DSCAML1: variants seen among roughly 807,000 people sequenced by gnomAD.
DSCAML1 encodes the protein cell adhesion molecule DSCAML1.
DSCAML1 carries 38 observed loss-of-function variants against 200.5 expected under a neutral mutation model. The ratio of observed to expected loss-of-function variants is 0.19; its 90% CI spans 0.15 to 0.25. The LOEUF (loss-of-function observed/expected upper bound fraction) is 0.25, where lower values mean the gene tolerates loss of function less well. DSCAML1 is among the 10% of genes least tolerant of loss of function. DSCAML1 has a pLI of 1.00. For missense variants in DSCAML1, 2,223 were observed against 2,858.8 expected, an observed-to-expected ratio of 0.78 and a Z score of 5.07; for synonymous variants, 1,215 against 1,165.0, an observed-to-expected ratio of 1.04 and a Z score of -0.87.
chr11:117,603,071 G>A (rs914455401), intron 3 of DSCAML1, among the ~76,000 whole-genome samples: 18 of 152,148 alleles, frequency 1.2e-4, no homozygotes, highest in South Asian at 6.2e-4. Context: ...ACTTCAGCTC[G>A]AGGACAAAGT....
chr11:117,617,853 C>A (rs2051843485), intron 3 of DSCAML1, among the ~76,000 whole-genome samples: 1 of 152,146 alleles, frequency 6.6e-6, no homozygotes, highest in African/African-American at 2.4e-5. Flanking sequence ...CCCTCGCTAC[C>A]CCCTACCAGG....
At chr11:117,718,994 C>T (rs1215229029) in intron 3 of DSCAML1, among the ~76,000 whole-genome samples, 1 of 152,084 alleles carries the variant, frequency 6.6e-6, no homozygotes, top group Non-Finnish European at 1.5e-5. Flanking sequence ...TCCAAGTTTG[C>T]AAAAAGAGGC....
chr11:117,752,118 C>G (rs2054615568), intron 3 of DSCAML1, among the ~76,000 whole-genome samples: 1 of 152,226 alleles, frequency 6.6e-6, no homozygotes, highest in Non-Finnish European at 1.5e-5. Flanking sequence ...AACAAGCCTT[C>G]TCATTTCTGT....
At chr11:117,464,109 G>A (rs771115221) in intron 17 of DSCAML1, among the ~76,000 whole-genome samples, 4 of 152,138 alleles carry the variant, frequency 2.6e-5, no homozygotes, top group Admixed American at 6.5e-5. Flanking sequence ...TCTGCCCTCC[G>A]GACTGTTGGT....
At chr11:117,749,459 C>A (rs1241226387) in intron 3 of DSCAML1, among the ~76,000 whole-genome samples, 1 of 152,242 alleles carries the variant, frequency 6.6e-6, no homozygotes, top group African/African-American at 2.4e-5. Context: ...TGCCCTGTGC[C>A]TCTAACACTC....
rs55850829 is a variant in DSCAML1, at chr11:117,484,886, AGTGTGTGTGTGTGTGTGTGTGT to A, written c.2360-2746_2360-2725del. Among the ~76,000 whole-genome samples the A allele has an allele frequency of 1.1e-3, 137 of 119,190 alleles. 1 individual carries two copies. Among genetic ancestry groups the A allele is most frequent in the East Asian group, 4.9e-3 (20 of 4,078 alleles). The allele number at this position is 119,190 out of a possible 152,430, so 78.2% of individuals were successfully genotyped here. A position where few individuals can be genotyped will look rare whatever the true frequency, so the allele number is the denominator to read the frequency against. On this transcript the variant is annotated intron_variant, in intron 11 of 32. Transcript: ENST00000651296. ...TGAAGCCACAGAGAAGCAGAGGAAC[AGTGTGTGTGTGTGTGTGTGTGT>A]GTGTGTGTGTGTGTGTGTGTGTGTG...
At chr11:117,737,628 G>A (rs1248549729) in intron 3 of DSCAML1, among the ~76,000 whole-genome samples, 3 of 152,358 alleles carry the variant, frequency 2.0e-5, no homozygotes, top group African/African-American at 7.2e-5. Context: ...TGGTGTTTAT[G>A]ATTGCTAAAA....
At chr11:117,435,615 C>A in intron 27 of DSCAML1, 29 bp downstream of exon 27, 1 of 1,569,490 alleles carries the variant, frequency 6.4e-7, no homozygotes. Context: ...AACACCCCCT[C>A]CTGGAAGGCC....
intron 3 of DSCAML1, among the ~76,000 whole-genome samples, chr11:117,665,860 A>G (rs2052964217): frequency 6.6e-6 from 1 of 152,242 alleles, no homozygotes; most frequent in Admixed American, 6.5e-5. Flanking sequence ...GGAAAGAAAC[A>G]GGGATCTATA....
At chr11:117,613,189 C>A in intron 3 of DSCAML1, among the ~76,000 whole-genome samples, 1 of 151,910 alleles carries the variant, frequency 6.6e-6, no homozygotes, top group African/African-American at 2.4e-5. Flanking sequence ...CAACTCAGAC[C>A]GAGCATTCTG....
upstream of DSCAML1, among the ~76,000 whole-genome samples, chr11:117,797,588 C>T (rs1055883047): frequency 1.1e-4 from 16 of 145,524 alleles, no homozygotes; most frequent in African/African-American, 4.0e-4. Flanking sequence ...TCAGCTTACC[C>T]GGCCCCCCCA....
chr11:117,434,840 C>T (rs1412958468), intron 27 of DSCAML1, among the ~76,000 whole-genome samples: 1 of 152,244 alleles, frequency 6.6e-6, no homozygotes, highest in Non-Finnish European at 1.5e-5. Flanking sequence ...ATCCAATCAT[C>T]AACCATCCAT....
chr11:117,601,312 G>A (rs1403619095), intron 3 of DSCAML1, among the ~76,000 whole-genome samples: 2 of 152,122 alleles, frequency 1.3e-5, no homozygotes, highest in East Asian at 1.9e-4. Context: ...AATCCTTTGC[G>A]GGCCTATCAC....
At chr11:117,510,229 G>C (rs1241695267) in intron 8 of DSCAML1, among the ~76,000 whole-genome samples, 5 of 152,250 alleles carry the variant, frequency 3.3e-5, no homozygotes, top group Non-Finnish European at 7.3e-5. Context: ...CCTGCTAGCA[G>C]AGTGTGCGCC....
At chr11:117,789,321 A>T (rs1272206057) in intron 1 of DSCAML1, among the ~76,000 whole-genome samples, 1 of 152,190 alleles carries the variant, frequency 6.6e-6, no homozygotes, top group East Asian at 1.9e-4. Context: ...GGGCCTGTCA[A>T]AGGAAGGTCC....
At chr11:117,696,880 G>A (rs2053595043) in intron 3 of DSCAML1, among the ~76,000 whole-genome samples, 2 of 152,106 alleles carry the variant, frequency 1.3e-5, no homozygotes, top group Non-Finnish European at 2.9e-5. Context: ...TCCCATGCTC[G>A]CCCATTAATA....
intron 6 of DSCAML1, among the ~76,000 whole-genome samples, chr11:117,519,351 C>T (rs144944157): frequency 2.8e-4 from 43 of 152,298 alleles, no homozygotes; most frequent in African/African-American, 9.9e-4. Context: ...TGCACAGAGG[C>T]GGTGGCAGTG....
intron 11 of DSCAML1, among the ~76,000 whole-genome samples, chr11:117,484,023 CGCCCCCCGCCCCT>C (rs1282823286): frequency 1.0e-3 from 142 of 139,102 alleles, no homozygotes; most frequent in Admixed American, 1.9e-3. Context: ...GTTCCCTGCC[CGCCCCCCGCCCCT>C]GCCCCCCGCC....
chr11:117,687,162 C>T (rs971620070), intron 3 of DSCAML1, among the ~76,000 whole-genome samples: 17 of 152,108 alleles, frequency 1.1e-4, no homozygotes, highest in Admixed American at 6.5e-4. Flanking sequence ...GAGGCCAGAG[C>T]GGGAGGAGGC....
Sources: allele counts gnomAD v4.1 joint callset (sites outside exome capture counted in the v4.1 genomes callset), GRCh38; gene constraint gnomAD v4.1.1; transcripts MANE v1.5; gene names NCBI Gene and HGNC (gene_info 2026-07-23, HGNC 2026-07-21).